The following LARS1 variants were observed in gnomAD, a reference collection of about 807,000 sequenced individuals.
LARS1 encodes the protein leucine--tRNA ligase, cytoplasmic.
In LARS1, 100 loss-of-function variants were observed where a neutral mutation model predicts 162.8. The observed-to-expected ratio is 0.61, with a 90% CI of 0.52 to 0.73. The LOEUF (loss-of-function observed/expected upper bound fraction) is 0.73. Among genes scored for constraint, LARS1 ranks in the 30% least tolerant of loss-of-function variants. The probability of loss-of-function intolerance (pLI) is 0.00; values close to 1 mark genes in which losing one functional copy is unlikely to be tolerated. For synonymous variants in LARS1, 457 were observed against 462.8 expected, an observed-to-expected ratio of 0.99 and a Z score of 0.16; for missense variants, 1,258 against 1,408.9, an observed-to-expected ratio of 0.89 and a Z score of 1.71.
In LARS1 at chr5:146,157,433, C is replaced by G. The variant is rs1245030699; in HGVS notation, c.1035G>C (p.Val345=). ...SYQGFTKDNG[V]VPVVKELMGE... ...CCATTAATTCCTTAACAACAGGCAC[C>G]ACGCCATTGTCTTTGGTAAAGCCCT... The change falls in exon 10 of 32, where the codon GTG becomes GTC. Residue 345 remains valine, a synonymous_variant. Transcript: ENST00000394434. 1 of 1,613,978 alleles carries G rather than the reference C, an allele frequency of 6.2e-7. No individual in the cohort carries two copies. The highest frequency in any genetic ancestry group is 8.5e-7 in the Non-Finnish European group (1 of 1,179,982).
chr5:146,160,495 G>C lies in LARS1; in HGVS notation c.595-9C>G, dbSNP rs761911658. 2.7e-6 allele frequency: 4 copies of C among 1,468,576 alleles called. No homozygotes were observed. Among genetic ancestry groups the C allele is most frequent in the Non-Finnish European group, 2.7e-6 (3 of 1,099,518 alleles). The allele number at this position is 1,468,576 out of a possible 1,614,324, so 91.0% of individuals were successfully genotyped here. A position where few individuals can be genotyped will look rare whatever the true frequency, so the allele number is the denominator to read the frequency against. ...GAACGACGCCAGTCTACCTATAAAAGGAAAATTTTAAAAGGCAATTACTGA... is the reference window on the plus strand; with the variant it reads ...GAACGACGCCAGTCTACCTATAAAACGAAAATTTTAAAAGGCAATTACTGA... On this transcript the variant is annotated splice_polypyrimidine_tract_variant and intron_variant, in intron 6 of 31. Transcript: ENST00000394434.
At position 146,131,039 on chromosome 5, in the gene LARS1, T is replaced by G; in HGVS notation, c.2467A>C (p.Thr823Pro). Residue 823 changes from threonine (T) to proline (P), a missense_variant, in exon 24 of 32, where the codon ACA becomes CCA. Coordinates refer to ENST00000394434, the MANE Select transcript of LARS1 (RefSeq NM_020117.11). ...CCTACCTGAAACTCAAAAAACCCTGTTTTCAAAGCTTCTTTAAACATCATC... is the reference window on the plus strand; with the variant it reads ...CCTACCTGAAACTCAAAAAACCCTGGTTTCAAAGCTTCTTTAAACATCATC... ...EKMMFKEALK[T>P]GFFEFQAAKD... The G allele has an allele frequency of 6.3e-7, 1 of 1,592,620 alleles. No individual in the cohort carries two copies. The highest frequency in any genetic ancestry group is 8.6e-7 in the Non-Finnish European group (1 of 1,166,292).
At chr5:146,122,179 T>C (rs1322056506) in intron 30 of LARS1, among the ~76,000 whole-genome samples, 1 of 152,142 alleles carries the variant, frequency 6.6e-6, no homozygotes, top group African/African-American at 2.4e-5. Context: ...AAAAAGGTCC[T>C]ACATTTCCAG....
intron 20 of LARS1, among the ~76,000 whole-genome samples, chr5:146,140,583 G>A (rs111926704): frequency 9.8e-5 from 15 of 152,304 alleles, no homozygotes; most frequent in Non-Finnish European, 1.6e-4. Flanking sequence ...CAAGGCGGGT[G>A]GATCATGAGG....
intron 19 of LARS1, 64 bp from the exon 20 acceptor site, chr5:146,143,148 G>T: frequency 1.0e-6 from 1 of 957,096 alleles, no homozygotes. Context: ...GGAAGAATCA[G>T]TACCTGAATC....
At chr5:146,161,499 C>T (rs1471982581) in intron 6 of LARS1, among the ~76,000 whole-genome samples, 23 of 152,276 alleles carry the variant, frequency 1.5e-4, no homozygotes, top group African/African-American at 5.3e-4. Context: ...GAGGCCAAGG[C>T]AGGCGGATCA....
At chr5:146,137,721 A>G (rs964733271) in intron 21 of LARS1, 1 of 231,100 alleles carries the variant, frequency 4.3e-6, no homozygotes, top group South Asian at 5.1e-5. Context: ...GATCCTATGG[A>G]GGCCTGCTGG....
intron 5 of LARS1, among the ~76,000 whole-genome samples, chr5:146,167,620 T>C (rs560360712): frequency 2.6e-5 from 4 of 152,060 alleles, no homozygotes; most frequent in African/African-American, 9.6e-5. Flanking sequence ...GGTCTCGATC[T>C]CCTGACCTCG....
chr5:146,114,947 G>C (rs1048213439), intron 31 of LARS1, among the ~76,000 whole-genome samples: 1 of 151,500 alleles, frequency 6.6e-6, no homozygotes, highest in Non-Finnish European at 1.5e-5. Flanking sequence ...GGGAGGCTGA[G>C]GCAGTGGAAT....
chr5:146,116,229 T>C (rs1764201754), intron 31 of LARS1, among the ~76,000 whole-genome samples: 1 of 152,196 alleles, frequency 6.6e-6, no homozygotes, highest in South Asian at 2.1e-4. Flanking sequence ...CAATTAATTT[T>C]AACAGCTATT....
intron 21 of LARS1, chr5:146,138,424 G>GAAAAAA (rs747873467): frequency 7.6e-6 from 1 of 131,594 alleles, no homozygotes; most frequent in African/African-American, 2.9e-5. Flanking sequence ...TGTTAAAAAG[G>GAAAAAA]AAAAAAAAAA....
At chr5:146,166,654 C>A (rs1754018918) in intron 5 of LARS1, among the ~76,000 whole-genome samples, 1 of 152,138 alleles carries the variant, frequency 6.6e-6, no homozygotes, top group South Asian at 2.1e-4. Flanking sequence ...AAGGACAGCT[C>A]TTCTTTTCAG....
At chr5:146,181,531 GCAGTAC>G (rs1350845753) in intron 1 of LARS1, among the ~76,000 whole-genome samples, 3 of 152,070 alleles carry the variant, frequency 2.0e-5, no homozygotes, top group Admixed American at 2.0e-4. Context: ...GAGCACGCTT[GCAGTAC>G]CAGCTGTGGG....
intron 2 of LARS1, among the ~76,000 whole-genome samples, chr5:146,175,905 A>C (rs1179984178): frequency 6.6e-6 from 1 of 152,098 alleles, no homozygotes; most frequent in Non-Finnish European, 1.5e-5. Context: ...TATAATCTTA[A>C]GAGCTTTGAG....
chr5:146,135,549 T>C lies in LARS1; in HGVS notation c.2212+52A>G, dbSNP rs531907007. 26 of 1,310,496 alleles carry C rather than the reference T, an allele frequency of 2.0e-5. No homozygotes were observed. The Admixed American group carries it at 5.4e-4, about 27-fold the overall frequency. The allele number at this position is 1,310,496 out of a possible 1,614,324, so 81.2% of individuals were successfully genotyped here. A position where few individuals can be genotyped will look rare whatever the true frequency, so the allele number is the denominator to read the frequency against. ...AACACCAATTTTAACGTGTCTTCTA[T>C]AATCTGAGAACTGGACCCTACAGAA... On this transcript the variant is annotated intron_variant, in intron 22 of 31. Transcript: ENST00000394434.
intron 21 of LARS1, among the ~76,000 whole-genome samples, chr5:146,139,345 C>CAAAAAAA (rs977056105): frequency 3.8e-5 from 3 of 79,302 alleles, no homozygotes; most frequent in Non-Finnish European, 5.1e-5. Flanking sequence ...TCCATCACAA[C>CAAAAAAA]AAAAAAAAAA....
At chr5:146,150,051 T>C (rs1485913185) in intron 14 of LARS1, among the ~76,000 whole-genome samples, 1 of 152,182 alleles carries the variant, frequency 6.6e-6, no homozygotes, top group Non-Finnish European at 1.5e-5. Context: ...AGGAACTAAG[T>C]ACATTCGGCT....
At chr5:146,138,119 CA>C (rs35849077) in intron 21 of LARS1, 83,957 of 118,470 alleles carry the variant, frequency 0.71, 28,686 homozygotes, top group Middle Eastern at 0.83. Context: ...GACTCTATCT[CA>C]AAAAAAAAAA....
rs1192542338 is a variant in LARS1 at position 146,113,869 on chromosome 5, TAA to T, written c.*235_*236del. 8.3e-6 allele frequency: 4 copies of T among 482,456 alleles called. No individual in the cohort carries two copies. Among genetic ancestry groups the T allele is most frequent in the African/African-American group, 3.8e-5 (2 of 52,002 alleles). The allele number at this position is 482,456 out of a possible 1,614,324, so 29.9% of individuals were successfully genotyped here. A position where few individuals can be genotyped will look rare whatever the true frequency, so the allele number is the denominator to read the frequency against. On this transcript the variant is annotated 3_prime_UTR_variant, in exon 32 of 32. Coordinates refer to ENST00000394434, the MANE Select transcript of LARS1 (RefSeq NM_020117.11). ...TAGGAAATAGCAACAATTTGTTTTT[TAA>T]AAAGAGTTTGGCAAAAACCATTTCT...
Sources: allele counts gnomAD v4.1 joint callset (sites outside exome capture counted in the v4.1 genomes callset), GRCh38; gene constraint gnomAD v4.1.1; transcripts MANE v1.5; gene names NCBI Gene and HGNC (gene_info 2026-07-23, HGNC 2026-07-21).